The following SLC12A1 variants were observed in gnomAD, a reference collection of about 807,000 sequenced individuals.
SLC12A1 encodes the protein solute carrier family 12 member 1.
A neutral mutation model predicts 130.4 loss-of-function variants in SLC12A1; 89 were observed. The observed-to-expected ratio is 0.68, with a 90% CI of 0.58 to 0.81. The LOEUF (loss-of-function observed/expected upper bound fraction) is 0.81, where lower values mean the gene tolerates loss of function less well. Ranked by LOEUF, SLC12A1 falls within the 40% of genes least tolerant of loss-of-function variation. SLC12A1 has a pLI of 0.00. For synonymous variants in SLC12A1, 499 were observed against 460.0 expected, an observed-to-expected ratio of 1.08 and a Z score of -1.09; for missense variants, 1,310 against 1,336.4, an observed-to-expected ratio of 0.98 and a Z score of 0.31.
chr15:48,251,866 G>C (rs2041652883), intron 15 of SLC12A1, 96 bp downstream of exon 15: 1 of 1,043,718 alleles, frequency 9.6e-7, no homozygotes, highest in South Asian at 1.5e-5. Flanking sequence ...GCTTAGGTGA[G>C]GCATATGTAA....
At chr15:48,231,959 C>G (rs151144604) in intron 7 of SLC12A1, among the ~76,000 whole-genome samples, 3,478 of 152,078 alleles carry the variant, frequency 0.023, 134 homozygotes, top group African/African-American at 0.081. Context: ...TGCAGTGAGC[C>G]GAGATCGTGC....
At chr15:48,280,217 CA>C (rs2040180769) in intron 20 of SLC12A1, among the ~76,000 whole-genome samples, 1 of 147,730 alleles carries the variant, frequency 6.8e-6, no homozygotes. Flanking sequence ...GCAATCTTGA[CA>C]AGTAAATTGA....
intron 17 of SLC12A1, among the ~76,000 whole-genome samples, chr15:48,264,037 C>T (rs895705554): frequency 2.6e-5 from 4 of 152,264 alleles, no homozygotes; most frequent in African/African-American, 9.6e-5. Flanking sequence ...CAAGTTAAAG[C>T]CCCTTTTAAT....
At chr15:48,284,407 G>A (rs2042036860) in intron 20 of SLC12A1, among the ~76,000 whole-genome samples, 1 of 152,160 alleles carries the variant, frequency 6.6e-6, no homozygotes, top group Non-Finnish European at 1.5e-5. Context: ...GTCACTTCCA[G>A]TTGTAAAACA....
chr15:48,273,115 A>C (rs2041915771), intron 19 of SLC12A1, among the ~76,000 whole-genome samples: 1 of 150,192 alleles, frequency 6.7e-6, no homozygotes, highest in Non-Finnish European at 1.5e-5. Context: ...AAAAAAAAAA[A>C]AAAAACCTAC....
chr15:48,209,803 C>T (rs189589773), intron 2 of SLC12A1, among the ~76,000 whole-genome samples: 27 of 152,314 alleles, frequency 1.8e-4, no homozygotes, highest in African/African-American at 6.3e-4. Context: ...GACCAAGTGA[C>T]TTCCTGAGGA....
intron 2 of SLC12A1, among the ~76,000 whole-genome samples, chr15:48,219,688 A>G (rs1303571413): frequency 1.3e-5 from 2 of 152,294 alleles, no homozygotes; most frequent in Non-Finnish European, 2.9e-5. Flanking sequence ...AAACATGTCT[A>G]TGTGTCTTTC....
Position 48,269,741 on chromosome 15 carries a change from T to A in SLC12A1, c.2379T>A (p.Ile793=). Residue 793 remains isoleucine, a synonymous_variant, in exon 19 of 27, where the codon ATT becomes ATA. Coordinates refer to ENST00000380993, the MANE Select transcript of SLC12A1 (RefSeq NM_000338.3). ...GGAGGAAAGCTCCCTTGACAGAGAT[T>A]GAGAACTACGTGGGAATCATACAGT... ...KNWRKAPLTE[I]ENYVGIIHDA... is the part of the protein sequence containing the mutation. 6.2e-7 allele frequency: 1 copy of A among 1,603,690 alleles called. No homozygotes were observed. Among genetic ancestry groups the A allele is most frequent in the East Asian group, 2.2e-5 (1 of 44,788 alleles).
chr15:48,246,009 T>A (rs1189878043), intron 11 of SLC12A1, among the ~76,000 whole-genome samples: 2 of 152,188 alleles, frequency 1.3e-5, no homozygotes, highest in Non-Finnish European at 2.9e-5. Context: ...ACATATTAAT[T>A]TGTCTGCATG....
chr15:48,231,228 T>G (rs1365008549), intron 7 of SLC12A1, among the ~76,000 whole-genome samples: 1 of 152,186 alleles, frequency 6.6e-6, no homozygotes, highest in Non-Finnish European at 1.5e-5. Flanking sequence ...CAACAAAAAT[T>G]AAGTTAGTGC....
chr15:48,233,486 C>T (rs770122753), intron 8 of SLC12A1, among the ~76,000 whole-genome samples: 8 of 152,228 alleles, frequency 5.3e-5, no homozygotes, highest in African/African-American at 1.9e-4. Context: ...TTAAGCATCA[C>T]TGTCAGGCTT....
intron 23 of SLC12A1, among the ~76,000 whole-genome samples, chr15:48,290,946 T>C (rs1193106176): frequency 6.6e-6 from 1 of 152,124 alleles, no homozygotes; most frequent in Non-Finnish European, 1.5e-5. Flanking sequence ...AATTTTCCAA[T>C]TTCAAAAATT....
intron 24 of SLC12A1, among the ~76,000 whole-genome samples, chr15:48,292,602 C>G (rs1330460076): frequency 6.6e-6 from 1 of 152,184 alleles, no homozygotes; most frequent in Non-Finnish European, 1.5e-5. Flanking sequence ...TCTCACAGTT[C>G]TGGCGAAGTT....
chr15:48,296,277 C>T (rs1470761775), intron 24 of SLC12A1, among the ~76,000 whole-genome samples: 1 of 152,130 alleles, frequency 6.6e-6, no homozygotes, highest in Non-Finnish European at 1.5e-5. Flanking sequence ...TTTGACTACC[C>T]ATAAAACATC....
At chr15:48,228,356 C>T (rs1316948768) in intron 5 of SLC12A1, 1 of 153,010 alleles carries the variant, frequency 6.5e-6, no homozygotes, top group Non-Finnish European at 1.5e-5. Context: ...CCACTTGCAA[C>T]TCCCAAACAC....
At chr15:48,233,069 T>C (rs1017639476) in intron 8 of SLC12A1, among the ~76,000 whole-genome samples, 5 of 152,206 alleles carry the variant, frequency 3.3e-5, no homozygotes, top group South Asian at 2.1e-4. Context: ...GGGCACACCA[T>C]AGGTTTTAGA....
chr15:48,230,451 C>A lies in SLC12A1; in HGVS notation c.923C>A (p.Thr308Lys). Residue 308 changes from threonine (T) to lysine (K), a missense_variant, in exon 7 of 27, where the codon ACA becomes AAA. By Grantham distance (78) the Thr-to-Lys change is moderately conservative. Coordinates refer to ENST00000380993, the MANE Select transcript of SLC12A1 (RefSeq NM_000338.3). Reference protein sequence around the residue: ...TNDIRIIGSITVVILLGISVA... With the variant: ...TNDIRIIGSIKVVILLGISVA... ...GACATCCGGATTATAGGCTCCATCA[C>A]AGTGGTGATTCTTCTAGGAATTTCA... The A allele has an allele frequency of 6.2e-7, 1 of 1,613,100 alleles. No homozygotes were observed. The highest frequency in any genetic ancestry group is 8.5e-7 in the Non-Finnish European group (1 of 1,179,594).
intron 20 of SLC12A1, among the ~76,000 whole-genome samples, chr15:48,284,704 A>T (rs992970110): frequency 6.6e-6 from 1 of 152,150 alleles, no homozygotes; most frequent in Non-Finnish European, 1.5e-5. Context: ...CAGTGGCATG[A>T]TCATGGCTCA....
intron 25 of SLC12A1, among the ~76,000 whole-genome samples, chr15:48,300,479 G>A (rs766088827): frequency 6.6e-6 from 1 of 152,272 alleles, no homozygotes. Context: ...TGGGGCCCAC[G>A]AGCTTCAGAG....
Sources: gnomAD v4.1 joint callset for allele counts (sites outside exome capture counted in the v4.1 genomes callset) on GRCh38, gnomAD v4.1.1 for gene constraint, MANE v1.5 for transcripts, NCBI Gene and HGNC (gene_info 2026-07-23, HGNC 2026-07-21) for gene names.